The following DCC variants were observed in gnomAD, a reference collection of about 807,000 sequenced individuals.
DCC encodes the protein netrin receptor DCC.
A neutral mutation model predicts 172.5 loss-of-function variants in DCC; 58 were observed. The ratio of observed to expected loss-of-function variants is 0.34; its 90% CI spans 0.27 to 0.42. The LOEUF (loss-of-function observed/expected upper bound fraction) is 0.42, where lower values mean the gene tolerates loss of function less well. Ranked by LOEUF, DCC falls within the 10% of genes least tolerant of loss-of-function variation. The pLI is 1.00. For synonymous variants in DCC, 709 were observed against 644.5 expected (o/e 1.10, Z -1.52); for missense variants, 1,740 against 1,791.0 (o/e 0.97, Z 0.51).
At chr18:52,625,586 T>C (rs1213358741) in intron 1 of DCC, among the ~76,000 whole-genome samples, 1 of 152,166 alleles carries the variant, frequency 6.6e-6, no homozygotes, top group Non-Finnish European at 1.5e-5. Context: ...ATTAACATGC[T>C]TTGGTGTTGT....
At chr18:52,464,596 T>G (rs769039075) in intron 1 of DCC, among the ~76,000 whole-genome samples, 1 of 152,196 alleles carries the variant, frequency 6.6e-6, no homozygotes, top group Admixed American at 6.5e-5. Context: ...CAGGTGAAAA[T>G]GCAGGTTCCC....
intron 27 of DCC, among the ~76,000 whole-genome samples, chr18:53,503,740 A>G (rs1473489465): frequency 6.6e-6 from 1 of 152,198 alleles, no homozygotes; most frequent in East Asian, 1.9e-4. Flanking sequence ...AGGGAAAGAA[A>G]ATGTGATCTC....
intron 1 of DCC, among the ~76,000 whole-genome samples, chr18:52,719,524 G>C (rs945597218): frequency 1.2e-4 from 18 of 151,750 alleles, no homozygotes; most frequent in Non-Finnish European, 2.6e-4. Flanking sequence ...GTTAGGTACT[G>C]AGTGTAGAGC....
chr18:53,079,629 T>A (rs1208097964), intron 7 of DCC, among the ~76,000 whole-genome samples: 8 of 152,130 alleles, frequency 5.3e-5, no homozygotes, highest in Admixed American at 5.2e-4. Context: ...CCAGGAATAT[T>A]TAAGTGCAAG....
chr18:52,642,581 C>T (rs985248060), intron 1 of DCC, among the ~76,000 whole-genome samples: 1 of 151,848 alleles, frequency 6.6e-6, no homozygotes, highest in Non-Finnish European at 1.5e-5. Flanking sequence ...ATATGGCACT[C>T]AGGAAATATT....
chr18:53,050,248 G>A (rs955278061), intron 5 of DCC, among the ~76,000 whole-genome samples: 46 of 152,068 alleles, frequency 3.0e-4, no homozygotes, highest in African/African-American at 1.1e-3. Flanking sequence ...TCCTCTCCCA[G>A]TACACTGACT....
At chr18:53,002,677 CTTTAAG>C (rs1243397002) in intron 5 of DCC, among the ~76,000 whole-genome samples, 1 of 151,858 alleles carries the variant, frequency 6.6e-6, no homozygotes, top group African/African-American at 2.4e-5. Context: ...TTTTATTATA[CTTTAAG>C]TTTTAGGGTA....
chr18:53,138,162 G>A (rs1282611140), intron 7 of DCC, among the ~76,000 whole-genome samples: 1 of 151,986 alleles, frequency 6.6e-6, no homozygotes, highest in Admixed American at 6.5e-5. Context: ...AATTTATACT[G>A]GTTTAATTTT....
chr18:53,205,090 A>G (rs1362845036), intron 9 of DCC, 126 bp from the exon 10 acceptor site: 18 of 734,184 alleles, frequency 2.5e-5, no homozygotes, highest in Non-Finnish European at 2.8e-5. Context: ...CTTATTCCAT[A>G]TTATTCTAAA....
intron 8 of DCC, among the ~76,000 whole-genome samples, chr18:53,167,831 G>T (rs2144430122): frequency 6.6e-6 from 1 of 152,220 alleles, no homozygotes; most frequent in East Asian, 1.9e-4. Flanking sequence ...AATGGTACTG[G>T]GTTTGAAGAC....
Position 52,459,456 on chromosome 18 carries a change from T to TTTTCTTTCTTTCTTTCTTTC in DCC, c.91+118586_91+118605dup, listed in dbSNP as rs113006148. On this transcript the variant is annotated intron_variant, in intron 1 of 28. Transcript: ENST00000442544. The stretch of plus-strand genomic sequence containing the variant: ...ATAAGTAAGAAAATGCAGTATTTGG[T>TTTTCTTTCTTTCTTTCTTTC]TTTCTTTCTTTCTTTCTTTCTTTCT... 6.7e-3 allele frequency among the ~76,000 whole-genome samples: 1,013 copies of TTTTCTTTCTTTCTTTCTTTC among 151,118 alleles called. 8 individuals carry two copies. Among genetic ancestry groups the TTTTCTTTCTTTCTTTCTTTC allele is most frequent in the East Asian group, 0.016 (83 of 5,070 alleles).
At chr18:53,002,861 C>G (rs961050174) in intron 5 of DCC, among the ~76,000 whole-genome samples, 3 of 152,074 alleles carry the variant, frequency 2.0e-5, no homozygotes, top group African/African-American at 7.2e-5. Context: ...CTGAATGGCT[C>G]TCCAGTGAGG....
chr18:52,932,881 T>C (rs574456259), intron 5 of DCC, among the ~76,000 whole-genome samples: 2 of 152,238 alleles, frequency 1.3e-5, no homozygotes, highest in East Asian at 3.9e-4. Flanking sequence ...ATTATTTTCT[T>C]TCAAATGCAT....
At chr18:52,387,027 A>C (rs1315343488) in intron 1 of DCC, among the ~76,000 whole-genome samples, 2 of 152,126 alleles carry the variant, frequency 1.3e-5, no homozygotes, top group African/African-American at 2.4e-5. Flanking sequence ...AGCTAAGGTG[A>C]GATGTATGAT....
intron 1 of DCC, among the ~76,000 whole-genome samples, chr18:52,427,835 T>TCTTCCTTCCTTCCTTC (rs1206938130): frequency 6.1e-4 from 28 of 45,982 alleles, no homozygotes; most frequent in African/African-American, 1.2e-3. Context: ...TTCCTTCCTT[T>TCTTCCTTCCTTCCTTC]CTTCCTTCCT....
intron 1 of DCC, among the ~76,000 whole-genome samples, chr18:52,435,757 C>T (rs3862685): frequency 0.011 from 1,728 of 152,240 alleles, 78 homozygotes; most frequent in East Asian, 0.093. Flanking sequence ...ACATCAGTCT[C>T]GCTGCCCCGT....
At chr18:52,921,309 T>A (rs1363067142) in intron 3 of DCC, among the ~76,000 whole-genome samples, 1 of 152,214 alleles carries the variant, frequency 6.6e-6, no homozygotes, top group Non-Finnish European at 1.5e-5. Flanking sequence ...CTGAACTATC[T>A]ATCTGTTCAA....
At chr18:52,395,508 C>A (rs1986190817) in intron 1 of DCC, among the ~76,000 whole-genome samples, 1 of 151,912 alleles carries the variant, frequency 6.6e-6, no homozygotes, top group Non-Finnish European at 1.5e-5. Context: ...TCCCTTGGTC[C>A]CTTCAGGGAA....
chr18:52,388,895 G>C lies in DCC; in HGVS notation c.91+48017G>C, dbSNP rs545468870. ...GCTCAAGTGCATTTGAGATATTTTT[G>C]GGCAAAAGTGTCTCCACACAGTGGA... On this transcript the variant is annotated intron_variant, in intron 1 of 28. Transcript: ENST00000442544. 2.6e-5 allele frequency among the ~76,000 whole-genome samples: 4 copies of C among 152,212 alleles called. No individual in the cohort carries two copies. In the East Asian group the frequency reaches 7.8e-4, roughly 29 times the overall value.
Sources: gnomAD v4.1 joint callset for allele counts (sites outside exome capture counted in the v4.1 genomes callset) on GRCh38, gnomAD v4.1.1 for gene constraint, MANE v1.5 for transcripts, NCBI Gene and HGNC (gene_info 2026-07-23, HGNC 2026-07-21) for gene names.